SLC12A1: variants seen among roughly 807,000 people sequenced by gnomAD.
SLC12A1 encodes solute carrier family 12 member 1, also known as Na-K-2Cl cotransporter.
Under a neutral mutation model 130.4 loss-of-function variants are expected in SLC12A1, and 89 were observed. The ratio of observed to expected loss-of-function variants is 0.68; its 90% CI spans 0.58 to 0.81. The LOEUF is 0.81. Ranked by LOEUF, SLC12A1 falls within the 40% of genes least tolerant of loss-of-function variation. The pLI, the probability that SLC12A1 is intolerant of heterozygous loss-of-function variation, is 0.00. For synonymous variants in SLC12A1, 499 were observed against 460.0 expected (o/e 1.08, Z -1.09); for missense variants, 1,310 against 1,336.4 (o/e 0.98, Z 0.31).
intron 17 of SLC12A1, among the ~76,000 whole-genome samples, chr15:48,264,947 CTTTG>C (rs1429842466): frequency 6.6e-6 from 1 of 152,128 alleles, no homozygotes; most frequent in East Asian, 1.9e-4. Context: ...TTTAAAGCTT[CTTTG>C]TTTGAATCCT....
At chr15:48,266,411 C>T (rs979825709) in intron 17 of SLC12A1, among the ~76,000 whole-genome samples, 7 of 150,452 alleles carry the variant, frequency 4.7e-5, no homozygotes, top group Non-Finnish European at 1.0e-4. Flanking sequence ...AGGCTTAGAT[C>T]TGAGACCTGT....
intron 16 of SLC12A1, among the ~76,000 whole-genome samples, chr15:48,256,209 C>G (rs2041705408): frequency 6.6e-6 from 1 of 152,144 alleles, no homozygotes; most frequent in Non-Finnish European, 1.5e-5. Flanking sequence ...ATCCTAAATC[C>G]CCACACACAT....
At position 48,274,660 on chromosome 15, in the gene SLC12A1, A is replaced by G. The variant is rs2041931906; in HGVS notation, c.2485+7A>G. The G allele has an allele frequency of 6.3e-7, 1 of 1,598,626 alleles. No individual in the cohort carries two copies. Among genetic ancestry groups the G allele is most frequent in the Admixed American group, 1.7e-5 (1 of 59,870 alleles). ...CAGGTTCTTCAGGTGCAAGGTATGTACTTTCTTTATTCAACCAACAAGTAT... is the reference window on the plus strand; with the variant it reads ...CAGGTTCTTCAGGTGCAAGGTATGTGCTTTCTTTATTCAACCAACAAGTAT... On this transcript the variant is annotated splice_region_variant and intron_variant, in intron 20 of 26. Transcript: ENST00000380993.
intron 17 of SLC12A1, among the ~76,000 whole-genome samples, chr15:48,265,243 G>C (rs1332532395): frequency 6.6e-6 from 1 of 152,164 alleles, no homozygotes; most frequent in African/African-American, 2.4e-5. Flanking sequence ...AATATGGCAA[G>C]TTTAGGCATT....
chr15:48,285,332 T>A, intron 21 of SLC12A1, 83 bp downstream of exon 21: 1 of 1,377,902 alleles, frequency 7.3e-7, no homozygotes, highest in Non-Finnish European at 1.0e-6. Context: ...AGTCAGCATC[T>A]AAGATGTTGG....
At chr15:48,254,951 G>A (rs2041689691) in intron 15 of SLC12A1, among the ~76,000 whole-genome samples, 1 of 152,058 alleles carries the variant, frequency 6.6e-6, no homozygotes, top group Non-Finnish European at 1.5e-5. Context: ...GGAGGAGGGG[G>A]AAGGGGAGGG....
At position 48,287,993 on chromosome 15, in the gene SLC12A1, G is replaced by A. The variant is rs1220990826; in HGVS notation, c.2630-50G>A. On this transcript the variant is annotated intron_variant, in intron 21 of 26. Coordinates refer to ENST00000380993, the MANE Select transcript of SLC12A1 (RefSeq NM_000338.3). ...ACTAGATTGATTGGAAAGTTATTTTGTTTCTGCCCTCAAAAGCAAACAGAT... is the reference window on the plus strand; with the variant it reads ...ACTAGATTGATTGGAAAGTTATTTTATTTCTGCCCTCAAAAGCAAACAGAT... The A allele has an allele frequency of 1.9e-6, 3 of 1,578,332 alleles. No individual in the cohort carries two copies. The South Asian group carries it at 3.6e-5, about 19-fold the overall frequency.
intron 4 of SLC12A1, chr15:48,221,325 C>T (rs1055506713): frequency 2.8e-6 from 2 of 701,784 alleles, no homozygotes; most frequent in Non-Finnish European, 5.2e-6. Context: ...ACATTTGCCT[C>T]TCATTTGTTA....
chr15:48,280,193 A>G (rs2041996673), intron 20 of SLC12A1, among the ~76,000 whole-genome samples: 3 of 151,574 alleles, frequency 2.0e-5, no homozygotes. Flanking sequence ...AAGACTGGGG[A>G]CATAACATTT....
chr15:48,278,107 C>T (rs2041973526), intron 20 of SLC12A1, among the ~76,000 whole-genome samples: 1 of 152,174 alleles, frequency 6.6e-6, no homozygotes, highest in Non-Finnish European at 1.5e-5. Context: ...ATATTCCCTC[C>T]TAGTAGAACT....
At chr15:48,213,768 C>T (rs930854909) in intron 2 of SLC12A1, among the ~76,000 whole-genome samples, 9 of 152,040 alleles carry the variant, frequency 5.9e-5, no homozygotes, top group African/African-American at 2.2e-4. Flanking sequence ...CGTGATCCGC[C>T]CACCTCAACC....
At chr15:48,261,433 T>C (rs777431948) in intron 17 of SLC12A1, among the ~76,000 whole-genome samples, 1 of 152,236 alleles carries the variant, frequency 6.6e-6, no homozygotes, top group Non-Finnish European at 1.5e-5. Flanking sequence ...TGGGCTGCAT[T>C]ATACATTACT....
Position 48,232,744 on chromosome 15 carries a change from G to A in SLC12A1, c.993G>A (p.Leu331=), listed in dbSNP as rs781300869. ...CATTCCAGGCCCAAGTCATTCTTCT[G>A]GTCATTCTTCTAATTGCTATTGCAA... The part of the protein sequence containing the change: ...EWEAKAQVIL[L]VILLIAIANF... The change falls in exon 8 of 27, where the codon CTG becomes CTA. Residue 331 remains leucine, a synonymous_variant. Transcript: ENST00000380993. 8 of 1,608,716 alleles carry A rather than the reference G, an allele frequency of 5.0e-6. No homozygotes were observed. The highest frequency in any genetic ancestry group is 6.8e-6 in the Non-Finnish European group (8 of 1,175,172).
intron 17 of SLC12A1, among the ~76,000 whole-genome samples, chr15:48,264,813 A>G (rs924293509): frequency 6.6e-6 from 1 of 152,210 alleles, no homozygotes; most frequent in African/African-American, 2.4e-5. Flanking sequence ...GAACCCCTTT[A>G]CAAACTCTTT....
intron 2 of SLC12A1, among the ~76,000 whole-genome samples, chr15:48,218,245 A>G (rs2041150467): frequency 6.6e-6 from 1 of 152,242 alleles, no homozygotes; most frequent in Non-Finnish European, 1.5e-5. Context: ...CACTTGTCAC[A>G]CAATGACTCT....
rs199880194 is a variant in SLC12A1 at position 48,299,175 on chromosome 15, G to C, written c.2996G>C (p.Arg999Pro). 2 of 1,605,874 alleles carry C rather than the reference G, an allele frequency of 1.2e-6. No homozygotes were observed. The highest frequency in any genetic ancestry group is 1.7e-6 in the Non-Finnish European group (2 of 1,177,504). ...KVFEEMIEPY[R>P]LHESCKDLTT... ...TTTGAAGAGATGATTGAACCATATC[G>C]TCTCCATGAAAGCTGCAAAGATTTA... The change falls in exon 25 of 27, where the codon CGT (arginine) becomes CCT (proline). Residue 999 changes from arginine (R) to proline (P), a missense_variant. Arg to Pro is a moderately radical substitution (Grantham distance 103). Coordinates refer to ENST00000380993, the MANE Select transcript of SLC12A1 (RefSeq NM_000338.3).
At chr15:48,258,288 GA>G in intron 16 of SLC12A1, among the ~76,000 whole-genome samples, 1 of 73,404 alleles carries the variant, frequency 1.4e-5, no homozygotes, top group South Asian at 3.8e-4. Context: ...GTGAACCCGG[GA>G]GGCGGAGCTT....
At chr15:48,235,193 C>A in intron 9 of SLC12A1, 189 bp downstream of exon 9, 1 of 682,876 alleles carries the variant, frequency 1.5e-6, no homozygotes, top group Non-Finnish European at 2.6e-6. Flanking sequence ...CCAGATAATT[C>A]TTCCAAAAGT....
chr15:48,255,712 G>A, intron 15 of SLC12A1, 99 bp from the exon 16 acceptor site: 1 of 790,662 alleles, frequency 1.3e-6, no homozygotes, highest in South Asian at 1.9e-5. Context: ...TGCTGGCATA[G>A]CCAAGGAAAA....
Sources: allele counts gnomAD v4.1 joint callset (sites outside exome capture counted in the v4.1 genomes callset), GRCh38; gene constraint gnomAD v4.1.1; transcripts MANE v1.5; gene names NCBI Gene and HGNC (gene_info 2026-07-23, HGNC 2026-07-21).